PACRG: variants seen among roughly 807,000 people sequenced by gnomAD.
PACRG encodes the protein parkin coregulated.
In PACRG, 29 loss-of-function variants were observed where a neutral mutation model predicts 29.7. That is an observed-to-expected ratio of 0.98 (90% CI 0.73 to 1.33). The LOEUF is 1.33. PACRG is among the 40% of genes most tolerant of loss of function. The probability of loss-of-function intolerance (pLI) is 0.00; values close to 1 mark genes in which losing one functional copy is unlikely to be tolerated. For missense variants in PACRG, 279 were observed against 316.2 expected (o/e 0.88, Z 0.89); for synonymous variants, 116 against 118.7 (o/e 0.98, Z 0.15).
In PACRG at chr6:163,044,167, TG is replaced by T. The variant is rs560894911; in HGVS notation, c.292-17982del. On this transcript the variant is annotated intron_variant, in intron 2 of 4. Transcript: ENST00000366888. ...GCTTGCCTATAATATGGGAAACAGA[TG>T]ACTTTTTTTTTTTTTTTTGAGACAG... Among the ~76,000 whole-genome samples, 281 of 132,822 alleles carry T rather than the reference TG, an allele frequency of 2.1e-3. 1 individual carries two copies. The highest frequency in any genetic ancestry group is 8.5e-3 in the African/African-American group (270 of 31,604). 87.1% of individuals were successfully genotyped at this position (132,822 alleles called of 152,430 possible).
intron 4 of PACRG, among the ~76,000 whole-genome samples, chr6:163,314,124 T>G (rs1158178411): frequency 6.6e-6 from 1 of 152,124 alleles, no homozygotes; most frequent in Non-Finnish European, 1.5e-5. Context: ...GCTGAAGCGG[T>G]CACTTCCAGA....
intron 4 of PACRG, among the ~76,000 whole-genome samples, chr6:163,302,374 T>G (rs1449997075): frequency 2.0e-5 from 3 of 152,204 alleles, no homozygotes; most frequent in Admixed American, 6.5e-5. Flanking sequence ...TTAATACACT[T>G]GGGGCAAAGT....
At position 163,188,680 on chromosome 6, in the gene PACRG, T is replaced by A. The variant is rs114816512; in HGVS notation, c.613+99272T>A. On this transcript the variant is annotated intron_variant, in intron 4 of 4. Transcript: ENST00000366888. ...TTAGTGGCCTTTCTCACACTTTGTC[T>A]AGTTTCATTTTTGTTACATAATCTG... Among the ~76,000 whole-genome samples the A allele has an allele frequency of 4.3e-3, 662 of 152,350 alleles. 6 individuals are homozygous for A. Among genetic ancestry groups the A allele is most frequent in the African/African-American group, 0.015 (629 of 41,578 alleles).
At position 162,853,104 on chromosome 6, in the gene PACRG, A is replaced by G. The variant is rs745327493; in HGVS notation, c.291+38823A>G. Among the ~76,000 whole-genome samples, 1 of 152,182 alleles carries G rather than the reference A, an allele frequency of 6.6e-6. No homozygotes were observed. Among genetic ancestry groups the G allele is most frequent in the Non-Finnish European group, 1.5e-5 (1 of 68,034 alleles). On this transcript the variant is annotated intron_variant, in intron 2 of 4. Coordinates refer to ENST00000366888, the MANE Select transcript of PACRG (RefSeq NM_001080379.2). The surrounding 1 kb of genome is among the most constrained non-coding windows in gnomAD (Gnocchi z 4.7). ...CCTTCTTTTGTAAAGCGGCAGAACT[A>G]TTGTGAAAGGGGAGTAGAGAAAAGA... is the stretch of plus-strand genomic sequence containing the variant.
At chr6:163,056,690 G>A (rs1810619270) in intron 2 of PACRG, among the ~76,000 whole-genome samples, 1 of 152,118 alleles carries the variant, frequency 6.6e-6, no homozygotes, top group Admixed American at 6.5e-5. Flanking sequence ...TGGTAAGTAG[G>A]TGCTCTTATA....
At chr6:163,179,334 C>T (rs888937741) in intron 4 of PACRG, 4 of 435,700 alleles carry the variant, frequency 9.2e-6, no homozygotes, top group African/African-American at 4.1e-5. Context: ...GCTCCCAAGA[C>T]GAGGCACAGA....
chr6:162,964,728 A>C (rs1489843676), intron 2 of PACRG, among the ~76,000 whole-genome samples: 1 of 152,228 alleles, frequency 6.6e-6, no homozygotes, highest in Non-Finnish European at 1.5e-5. Flanking sequence ...AGCATAAGGA[A>C]TGAGCAAAGA....
chr6:163,072,064 G>T (rs1812111150), intron 3 of PACRG, among the ~76,000 whole-genome samples: 1 of 150,668 alleles, frequency 6.6e-6, no homozygotes, highest in Non-Finnish European at 1.5e-5. Context: ...AAGGAGAAGA[G>T]AATACTTCCA....
intron 3 of PACRG, among the ~76,000 whole-genome samples, chr6:163,075,133 A>C (rs868519473): frequency 4.6e-5 from 7 of 152,228 alleles, no homozygotes; most frequent in Non-Finnish European, 8.8e-5. Context: ...TTATCCCTAA[A>C]ACTTTGAATT....
chr6:163,210,181 G>A (rs146905411), intron 4 of PACRG, among the ~76,000 whole-genome samples: 31 of 152,266 alleles, frequency 2.0e-4, no homozygotes, highest in Middle Eastern at 3.4e-3. Flanking sequence ...ACATCCAGAC[G>A]ATGAACAGAA....
chr6:163,283,614 C>T (rs1784290992), intron 4 of PACRG, among the ~76,000 whole-genome samples: 1 of 148,520 alleles, frequency 6.7e-6, no homozygotes, highest in South Asian at 2.1e-4. Flanking sequence ...TCCTGGCTAA[C>T]AAGGTGAAAC....
intron 2 of PACRG, among the ~76,000 whole-genome samples, chr6:162,894,653 G>A (rs1175796140): frequency 6.6e-6 from 1 of 152,126 alleles, no homozygotes; most frequent in East Asian, 1.9e-4. Flanking sequence ...ATGTTATTAT[G>A]CAATTTTTAA....
At chr6:163,266,035 CAATTCCTA>C (rs1335460683) in intron 4 of PACRG, among the ~76,000 whole-genome samples, 1 of 152,138 alleles carries the variant, frequency 6.6e-6, no homozygotes, top group Non-Finnish European at 1.5e-5. Context: ...AGTAACAGAC[CAATTCCTA>C]AAAAGTCATT....
chr6:163,178,813 A>G (rs1779511122), intron 4 of PACRG, among the ~76,000 whole-genome samples: 1 of 152,162 alleles, frequency 6.6e-6, no homozygotes, highest in Admixed American at 6.5e-5. Context: ...AACTAGGTAC[A>G]GTATCTGGCA....
At chr6:163,170,103 G>A (rs1459373386) in intron 4 of PACRG, among the ~76,000 whole-genome samples, 7 of 152,290 alleles carry the variant, frequency 4.6e-5, no homozygotes, top group South Asian at 4.1e-4. Context: ...CTGGAAGTCA[G>A]GGCTTCAACA....
At chr6:162,849,047 A>C (rs934281605) in intron 2 of PACRG, among the ~76,000 whole-genome samples, 4 of 152,206 alleles carry the variant, frequency 2.6e-5, no homozygotes, top group Admixed American at 2.6e-4. Flanking sequence ...CCAGAGAAAC[A>C]CAAGAGAAGG....
chr6:163,146,981 T>C (rs1777828680), intron 4 of PACRG, among the ~76,000 whole-genome samples: 1 of 152,206 alleles, frequency 6.6e-6, no homozygotes, highest in Non-Finnish European at 1.5e-5. Context: ...ACATTGCTCA[T>C]CCCTTTTCCA....
chr6:163,070,347 C>G (rs981797813), intron 3 of PACRG, among the ~76,000 whole-genome samples: 1 of 151,938 alleles, frequency 6.6e-6, no homozygotes, highest in African/African-American at 2.4e-5. Flanking sequence ...ACTACAACAA[C>G]TTTTCAAGAC....
At chr6:162,928,962 G>T (rs1003786570) in intron 2 of PACRG, among the ~76,000 whole-genome samples, 3 of 151,958 alleles carry the variant, frequency 2.0e-5, no homozygotes, top group African/African-American at 7.2e-5. Context: ...CCTTTTTTAT[G>T]CTGAATAATA....
Sources: allele counts gnomAD v4.1 joint callset (sites outside exome capture counted in the v4.1 genomes callset), GRCh38; gene constraint gnomAD v4.1.1; non-coding constraint Gnocchi (gnomAD v3.1); transcripts MANE v1.5; gene names NCBI Gene and HGNC (gene_info 2026-07-23, HGNC 2026-07-21).